BCAS1: variants seen among roughly 807,000 people sequenced by gnomAD.
BCAS1 encodes the protein brain enriched myelin associated protein 1.
In BCAS1, 46 loss-of-function variants were observed where a neutral mutation model predicts 65.4. That is an observed-to-expected ratio of 0.70 (90% CI 0.55 to 0.90). The LOEUF is 0.90. BCAS1 is among the 40% of genes least tolerant of loss of function. The probability of loss-of-function intolerance (pLI) is 0.00; values close to 1 mark genes in which losing one functional copy is unlikely to be tolerated. For synonymous variants in BCAS1, 298 were observed against 293.5 expected, an observed-to-expected ratio of 1.02 and a Z score of -0.16; for missense variants, 793 against 771.2, an observed-to-expected ratio of 1.03 and a Z score of -0.33.
At chr20:54,067,877 C>G (rs1159307305) in intron 1 of BCAS1, among the ~76,000 whole-genome samples, 1 of 152,242 alleles carries the variant, frequency 6.6e-6, no homozygotes, top group Non-Finnish European at 1.5e-5. Flanking sequence ...CCTCACTGCT[C>G]AGCTGAGGGT....
chr20:54,030,128 T>C (rs1347751847), intron 3 of BCAS1, among the ~76,000 whole-genome samples: 4 of 152,210 alleles, frequency 2.6e-5, no homozygotes, highest in Non-Finnish European at 2.9e-5. Context: ...ACCTCTACCT[T>C]GACCTAAATT....
chr20:53,953,692 A>T lies in BCAS1; in HGVS notation c.1555T>A (p.Ser519Thr). 6.2e-7 allele frequency: 1 copy of T among 1,612,118 alleles called. No homozygotes were observed. Among genetic ancestry groups the T allele is most frequent in the South Asian group, 1.1e-5 (1 of 90,998 alleles). Residue 519 changes from serine to threonine, a missense_variant, in exon 12 of 13, where the codon TCA (serine) becomes ACA (threonine). Physicochemically the swap from Ser to Thr is moderately conservative, Grantham distance 58. Transcript: ENST00000688948. ...GTGATAGTCTTTTCTGTGGAGTCTG[A>T]TGTCTACAGCAATTTCAAACAAAGT... Reference protein sequence around the residue: ...INGKDSSCQTSDSTEKTITPP... With the variant: ...INGKDSSCQTTDSTEKTITPP...
At chr20:53,999,522 C>T (rs1377403876) in intron 4 of BCAS1, among the ~76,000 whole-genome samples, 2 of 152,110 alleles carry the variant, frequency 1.3e-5, no homozygotes, top group Non-Finnish European at 2.9e-5. Context: ...TGGAGAAGTG[C>T]CCCTCTTCCA....
chr20:54,030,236 T>TC (rs1381498102), intron 3 of BCAS1, among the ~76,000 whole-genome samples: 1 of 152,196 alleles, frequency 6.6e-6, no homozygotes, highest in Non-Finnish European at 1.5e-5. Context: ...CAGTTAAAGA[T>TC]CAAGATTCTC....
chr20:54,058,671 A>T lies in BCAS1; in HGVS notation c.48T>A (p.Asn16Lys). The T allele has an allele frequency of 1.3e-6, 2 of 1,589,650 alleles. No homozygotes were observed. The highest frequency in any genetic ancestry group is 4.6e-5 in the East Asian group (2 of 43,936). Residue 16 changes from asparagine (N) to lysine (K), a missense_variant, in exon 2 of 13, where the codon AAT becomes AAA. Physicochemically the swap from Asn to Lys is moderately conservative, Grantham distance 94 (BLOSUM62 0). Coordinates refer to ENST00000688948, the MANE Select transcript of BCAS1 (RefSeq NM_001366298.2). ...CCTGGTAAGTCTCTGCTTCTGGTTC[A>T]TTCTCTTGGTCTTCAACTCTTTGGG... ...SVPQRVEDQENEPEAETYQDN... is the reference protein window; with the variant it reads ...SVPQRVEDQEKEPEAETYQDN...
At chr20:54,002,716 A>T (rs2091086618) in intron 4 of BCAS1, among the ~76,000 whole-genome samples, 1 of 152,248 alleles carries the variant, frequency 6.6e-6, no homozygotes. Flanking sequence ...GATAATGATT[A>T]TGAACATTAT....
At chr20:53,972,456 T>G (rs1255137213) in intron 9 of BCAS1, among the ~76,000 whole-genome samples, 2 of 152,188 alleles carry the variant, frequency 1.3e-5, no homozygotes, top group Non-Finnish European at 2.9e-5. Context: ...GGTGGCAAAC[T>G]TTTCCTGCAA....
At chr20:54,022,654 A>G (rs1330459418) in intron 4 of BCAS1, among the ~76,000 whole-genome samples, 3 of 152,164 alleles carry the variant, frequency 2.0e-5, no homozygotes, top group African/African-American at 4.8e-5. Context: ...GTTCTCCCCA[A>G]GTTCTCTCCT....
At chr20:53,988,335 G>A (rs1337570217) in intron 7 of BCAS1, among the ~76,000 whole-genome samples, 1 of 152,120 alleles carries the variant, frequency 6.6e-6, no homozygotes, top group Non-Finnish European at 1.5e-5. Flanking sequence ...TCACCGCTCA[G>A]CCACCACCCT....
At chr20:54,017,909 C>CA (rs974808461) in intron 4 of BCAS1, among the ~76,000 whole-genome samples, 1 of 151,766 alleles carries the variant, frequency 6.6e-6, no homozygotes, top group Admixed American at 6.6e-5. Flanking sequence ...CAAACAAAAA[C>CA]AAAAAACAAA....
chr20:53,985,181 GA>G, intron 8 of BCAS1, 105 bp downstream of exon 8: 1 of 1,125,022 alleles, frequency 8.9e-7, no homozygotes, highest in Non-Finnish European at 1.3e-6. Context: ...TGAAGAAGAA[GA>G]AACACCTTCC....
chr20:53,985,181 G>C (rs1368641015), intron 8 of BCAS1, 106 bp downstream of exon 8: 2 of 1,124,904 alleles, frequency 1.8e-6, no homozygotes, highest in African/African-American at 3.1e-5. Flanking sequence ...TGAAGAAGAA[G>C]AAACACCTTC....
chr20:54,019,484 T>C (rs371448640), intron 4 of BCAS1, among the ~76,000 whole-genome samples: 35 of 152,352 alleles, frequency 2.3e-4, no homozygotes, highest in Admixed American at 1.8e-3. Flanking sequence ...ACTTGGAAAG[T>C]ACTATCACGC....
At chr20:54,065,830 C>T (rs116438802) in intron 1 of BCAS1, among the ~76,000 whole-genome samples, 220 of 152,244 alleles carry the variant, frequency 1.4e-3, no homozygotes, top group African/African-American at 4.8e-3. Context: ...AGATTCCTTG[C>T]GTGGAGCTCC....
intron 3 of BCAS1, among the ~76,000 whole-genome samples, chr20:54,035,141 G>C (rs1406277646): frequency 1.3e-5 from 2 of 151,160 alleles, no homozygotes; most frequent in Non-Finnish European, 3.0e-5. Flanking sequence ...GGCCGGGCTT[G>C]GTGGCTCACG....
chr20:54,006,826 T>C (rs2091207562), intron 4 of BCAS1, among the ~76,000 whole-genome samples: 1 of 152,184 alleles, frequency 6.6e-6, no homozygotes, highest in Non-Finnish European at 1.5e-5. Flanking sequence ...ATATCTACTG[T>C]GTGCTTCCCA....
chr20:54,008,422 C>T (rs1338343229), intron 4 of BCAS1, among the ~76,000 whole-genome samples: 3 of 152,154 alleles, frequency 2.0e-5, no homozygotes, highest in Admixed American at 6.5e-5. Context: ...GTGGAGTTAG[C>T]GTCAGCCAGT....
intron 4 of BCAS1, among the ~76,000 whole-genome samples, chr20:54,021,532 A>G (rs990532944): frequency 6.6e-6 from 1 of 151,394 alleles, no homozygotes; most frequent in Non-Finnish European, 1.5e-5. Context: ...TAGTGCTGCA[A>G]TGGAATACTA....
intron 1 of BCAS1, among the ~76,000 whole-genome samples, chr20:54,065,376 A>T (rs1392587065): frequency 6.6e-6 from 1 of 152,178 alleles, no homozygotes; most frequent in Non-Finnish European, 1.5e-5. Flanking sequence ...CAATAAGTGG[A>T]GCACAGCGTT....
Sources: gnomAD v4.1 joint callset for allele counts (sites outside exome capture counted in the v4.1 genomes callset) on GRCh38, gnomAD v4.1.1 for gene constraint, MANE v1.5 for transcripts, NCBI Gene and HGNC (gene_info 2026-07-23, HGNC 2026-07-21) for gene names.